The following KATNIP variants were observed in gnomAD, a reference collection of about 807,000 sequenced individuals.
The protein encoded by KATNIP is katanin interacting protein.
KATNIP carries 126 observed loss-of-function variants against 174.0 expected under a neutral mutation model. That is an observed-to-expected ratio of 0.72 (90% confidence interval 0.63 to 0.84). The LOEUF (loss-of-function observed/expected upper bound fraction) is 0.84, where lower values mean the gene tolerates loss of function less well. KATNIP is among the 40% of genes least tolerant of loss of function. The probability of loss-of-function intolerance (pLI) is 0.00; values close to 1 mark genes in which losing one functional copy is unlikely to be tolerated. For synonymous variants in KATNIP, 810 were observed against 835.7 expected (o/e 0.97, Z 0.53); for missense variants, 1,958 against 2,109.7 (o/e 0.93, Z 1.41).
At chr16:27,648,787 C>T (rs750079681) in intron 6 of KATNIP, 52 bp downstream of exon 6, 25 of 1,589,584 alleles carry the variant, frequency 1.6e-5, no homozygotes, top group Admixed American at 3.6e-5. Flanking sequence ...CGGCGAGGCT[C>T]GGTGCTGCAG....
At chr16:27,580,022 T>C (rs979032934) in intron 2 of KATNIP, among the ~76,000 whole-genome samples, 12 of 152,094 alleles carry the variant, frequency 7.9e-5, no homozygotes, top group African/African-American at 2.9e-4. Context: ...CGAGGTTATC[T>C]CGACAGCCCT....
At chr16:27,618,345 G>A (rs548908969) in intron 2 of KATNIP, 80 bp from the exon 3 acceptor site, 25 of 1,115,834 alleles carry the variant, frequency 2.2e-5, no homozygotes, top group Middle Eastern at 2.0e-4. Flanking sequence ...AGCCTGCTGC[G>A]CCGGTGTGTG....
At chr16:27,699,758 T>C (rs1444478244) in intron 10 of KATNIP, among the ~76,000 whole-genome samples, 159 bp downstream of exon 10, 1 of 152,220 alleles carries the variant, frequency 6.6e-6, no homozygotes, top group African/African-American at 2.4e-5. Flanking sequence ...CCTCACTGTG[T>C]GCCCTGAGCA....
At chr16:27,601,192 C>G (rs2075511712) in intron 2 of KATNIP, among the ~76,000 whole-genome samples, 1 of 152,186 alleles carries the variant, frequency 6.6e-6, no homozygotes, top group Non-Finnish European at 1.5e-5. Context: ...TTTATAAGCT[C>G]CTTGTACATG....
chr16:27,623,432 C>G (rs377112301), intron 3 of KATNIP, among the ~76,000 whole-genome samples: 1 of 152,112 alleles, frequency 6.6e-6, no homozygotes. Flanking sequence ...TCATCATCAT[C>G]ATTATCATCA....
At chr16:27,759,673 G>A (rs2081879819) in intron 18 of KATNIP, among the ~76,000 whole-genome samples, 1 of 152,182 alleles carries the variant, frequency 6.6e-6, no homozygotes, top group Non-Finnish European at 1.5e-5. Flanking sequence ...AGGTGTCTGG[G>A]TTAGCTGGGC....
intron 6 of KATNIP, chr16:27,654,793 A>C: frequency 1.5e-6 from 2 of 1,340,636 alleles, no homozygotes; most frequent in South Asian, 2.3e-5. Context: ...TTCCGTAGCC[A>C]AGCAGCTGTG....
intron 5 of KATNIP, among the ~76,000 whole-genome samples, chr16:27,643,892 T>TACC (rs551794784): frequency 3.2e-4 from 48 of 152,038 alleles, no homozygotes; most frequent in African/African-American, 1.1e-3. Context: ...ATGCCCTAAT[T>TACC]ACCACCACCA....
rs539884525 is a variant in KATNIP, at chr16:27,613,068, G to A, written c.64-5357G>A. Among the ~76,000 whole-genome samples the A allele has an allele frequency of 7.9e-5, 12 of 151,952 alleles. No individual in the cohort carries two copies. In the South Asian group the frequency reaches 2.1e-3, roughly 26 times the overall value. On this transcript the variant is annotated intron_variant, in intron 2 of 27. Transcript: ENST00000261588. Reference sequence around the variant, plus strand: ...GAGCTCAGGAGTCCGAGACCAGCCCGGGCAACACGACAAAACCACGTCTCT... The same window carrying A: ...GAGCTCAGGAGTCCGAGACCAGCCCAGGCAACACGACAAAACCACGTCTCT...
chr16:27,565,794 C>CA (rs1450908407), intron 1 of KATNIP, among the ~76,000 whole-genome samples: 2 of 138,324 alleles, frequency 1.4e-5, no homozygotes, highest in African/African-American at 2.7e-5. Flanking sequence ...AAAAAAACAA[C>CA]AAAAAAACAA....
At chr16:27,652,838 T>C (rs2077159353) in intron 6 of KATNIP, among the ~76,000 whole-genome samples, 1 of 151,928 alleles carries the variant, frequency 6.6e-6, no homozygotes, top group Non-Finnish European at 1.5e-5. Flanking sequence ...TTGTCTCTGT[T>C]GATGTATCAG....
Position 27,579,217 on chromosome 16 carries a change from A to G in KATNIP, c.63+5261A>G, listed in dbSNP as rs371174439. On this transcript the variant is annotated intron_variant, in intron 2 of 27. Coordinates refer to ENST00000261588, the MANE Select transcript of KATNIP (RefSeq NM_015202.5). ...CCAGGGCACTGTGGGGCTCATGAGC[A>G]TGGCGCTGGGGACATGTCCCCTTAC... 7.9e-5 allele frequency among the ~76,000 whole-genome samples: 12 copies of G among 152,178 alleles called. No individual in the cohort carries two copies. The East Asian group carries it at 1.9e-3, about 24-fold the overall frequency.
At chr16:27,669,118 A>G (rs2077794438) in intron 6 of KATNIP, among the ~76,000 whole-genome samples, 1 of 152,236 alleles carries the variant, frequency 6.6e-6, no homozygotes, top group Non-Finnish European at 1.5e-5. Flanking sequence ...TGTTACAGTT[A>G]CTGATACTAT....
intron 8 of KATNIP, among the ~76,000 whole-genome samples, chr16:27,690,665 T>C (rs769384982): frequency 6.6e-6 from 1 of 152,208 alleles, no homozygotes; most frequent in Non-Finnish European, 1.5e-5. Flanking sequence ...TCTTGGCTTT[T>C]AGAAGTGAGT....
chr16:27,772,868 TACACACACATGAACACTCACATGCAC>T (rs1169974970), intron 22 of KATNIP, among the ~76,000 whole-genome samples: 1 of 151,804 alleles, frequency 6.6e-6, no homozygotes, highest in Non-Finnish European at 1.5e-5. Flanking sequence ...CATGCATGCA[TACACACACATGAACACTCACATGCAC>T]ACACACACAC....
intron 5 of KATNIP, among the ~76,000 whole-genome samples, chr16:27,640,796 C>T (rs1204097156): frequency 2.0e-5 from 3 of 151,582 alleles, no homozygotes; most frequent in Admixed American, 6.6e-5. Context: ...GTCCTGACAC[C>T]TCTGCGAGGT....
At chr16:27,698,530 G>A in intron 9 of KATNIP, 30 bp downstream of exon 9, 1 of 1,583,402 alleles carries the variant, frequency 6.3e-7, no homozygotes, top group South Asian at 1.1e-5. Context: ...AGGAACCGGG[G>A]GATGCTCCCT....
chr16:27,566,382 A>G (rs2090089239), intron 1 of KATNIP, among the ~76,000 whole-genome samples: 1 of 152,050 alleles, frequency 6.6e-6, no homozygotes, highest in African/African-American at 2.4e-5. Flanking sequence ...CTACTAATTC[A>G]AAAATACACC....
intron 14 of KATNIP, among the ~76,000 whole-genome samples, chr16:27,725,940 A>G (rs2080431722): frequency 1.3e-5 from 2 of 152,176 alleles, no homozygotes; most frequent in African/African-American, 4.8e-5. Flanking sequence ...ACATTTCCCC[A>G]GGGGCATGTT....
Sources: gnomAD v4.1 joint callset for allele counts (sites outside exome capture counted in the v4.1 genomes callset) on GRCh38, gnomAD v4.1.1 for gene constraint, MANE v1.5 for transcripts, NCBI Gene and HGNC (gene_info 2026-07-23, HGNC 2026-07-21) for gene names.